The following SLC25A13 variants were observed in gnomAD, a reference collection of about 807,000 sequenced individuals.
SLC25A13 encodes solute carrier family 25 member 13.
A neutral mutation model predicts 85.5 loss-of-function variants in SLC25A13; 70 were observed. The ratio of observed to expected loss-of-function variants is 0.82; its 90% CI spans 0.68 to 1.00. SLC25A13 has a LOEUF of 1.00. Among genes scored for constraint, SLC25A13 ranks in the 50% least tolerant of loss-of-function variants. The pLI is 0.00. For missense variants in SLC25A13, 765 were observed against 819.8 expected, an observed-to-expected ratio of 0.93 and a Z score of 0.82; for synonymous variants, 259 against 288.7, an observed-to-expected ratio of 0.90 and a Z score of 1.04.
chr7:96,265,870 T>G (rs1242353495), intron 3 of SLC25A13, among the ~76,000 whole-genome samples: 1 of 152,146 alleles, frequency 6.6e-6, no homozygotes, highest in Non-Finnish European at 1.5e-5. Flanking sequence ...TGGTAAAAGC[T>G]TTCTCCTTCA....
At chr7:96,236,030 T>C (rs970910371) in intron 3 of SLC25A13, among the ~76,000 whole-genome samples, 1 of 152,234 alleles carries the variant, frequency 6.6e-6, no homozygotes, top group African/African-American at 2.4e-5. Flanking sequence ...ATGGTTTTCA[T>C]ATATTTTACA....
intron 3 of SLC25A13, among the ~76,000 whole-genome samples, chr7:96,275,651 C>T (rs1303996546): frequency 1.3e-5 from 2 of 152,050 alleles, no homozygotes; most frequent in African/African-American, 4.8e-5. Flanking sequence ...AAACCAAACA[C>T]TGCATGTTCT....
At chr7:96,305,180 T>C (rs1325798929) in intron 1 of SLC25A13, among the ~76,000 whole-genome samples, 1 of 152,178 alleles carries the variant, frequency 6.6e-6, no homozygotes, top group Non-Finnish European at 1.5e-5. Context: ...CTTAAATGAA[T>C]ACCAGTAGAT....
chr7:96,121,931 C>G lies in SLC25A13; in HGVS notation c.1658G>C (p.Arg553Pro), dbSNP rs201283753. 1.1e-5 allele frequency: 18 copies of G among 1,613,998 alleles called. No individual in the cohort carries two copies. The highest frequency in any genetic ancestry group is 1.5e-5 in the Non-Finnish European group (18 of 1,180,034). ...TCCGCTGTAAGTGGTTTGGCCAGCC[C>G]GGGCAGCCACCTGTAATCTCGTCTT... ...VIKTRLQVAA[R>P]AGQTTYSGVI... Residue 553 changes from arginine to proline, a missense_variant, in exon 16 of 18, where the codon CGG (arginine) becomes CCG (proline). Physicochemically the swap from Arg to Pro is moderately radical, Grantham distance 103. Transcript: ENST00000265631.
At chr7:96,143,096 G>C (rs2116470468) in intron 14 of SLC25A13, among the ~76,000 whole-genome samples, 1 of 152,272 alleles carries the variant, frequency 6.6e-6, no homozygotes, top group South Asian at 2.1e-4. Flanking sequence ...GTGCTTGATG[G>C]ATCCCAGCTG....
chr7:96,228,784 G>A lies in SLC25A13; in HGVS notation c.328+6018C>T, dbSNP rs147414094. Among the ~76,000 whole-genome samples the A allele has an allele frequency of 3.5e-3, 530 of 152,250 alleles. 2 individuals are homozygous for A. Among genetic ancestry groups the A allele is most frequent in the African/African-American group, 0.012 (496 of 41,556 alleles). ...TGAGTTCTGGGTGGGCGTGGGCTCC[G>A]CGGGCCCTGCACTCGGAGTGGATGG... On this transcript the variant is annotated intron_variant, in intron 4 of 17. Transcript: ENST00000265631.
intron 5 of SLC25A13, among the ~76,000 whole-genome samples, chr7:96,194,666 A>C (rs1290075921): frequency 6.6e-6 from 1 of 152,104 alleles, no homozygotes; most frequent in African/African-American, 2.4e-5. Flanking sequence ...TACTGCTTTA[A>C]AGTACTCGAT....
At chr7:96,167,111 T>C (rs1361534174) in intron 13 of SLC25A13, 2 of 152,214 alleles carry the variant, frequency 1.3e-5, no homozygotes, top group Admixed American at 1.3e-4. Context: ...ATCACTACTG[T>C]TAAAGTGTGA....
intron 3 of SLC25A13, among the ~76,000 whole-genome samples, chr7:96,268,061 C>G (rs950915468): frequency 6.6e-6 from 1 of 152,134 alleles, no homozygotes. Flanking sequence ...CCCTGAGCCA[C>G]CCGGTGCCCA....
intron 4 of SLC25A13, among the ~76,000 whole-genome samples, chr7:96,220,509 C>T (rs1796079190): frequency 6.6e-6 from 1 of 152,166 alleles, no homozygotes; most frequent in Non-Finnish European, 1.5e-5. Flanking sequence ...TGCCTTGCAA[C>T]TGTTGGAAGA....
chr7:96,279,771 G>GT (rs1194070052), intron 2 of SLC25A13, among the ~76,000 whole-genome samples: 1 of 152,138 alleles, frequency 6.6e-6, no homozygotes, highest in Non-Finnish European at 1.5e-5. Flanking sequence ...TTACCTTTAA[G>GT]TTTTAGTACA....
chr7:96,174,898 T>C (rs941923220), intron 11 of SLC25A13, among the ~76,000 whole-genome samples: 1 of 152,220 alleles, frequency 6.6e-6, no homozygotes, highest in Non-Finnish European at 1.5e-5. Context: ...TAGCTATTTG[T>C]TCAGCAAACA....
In SLC25A13 at chr7:96,203,535, G is replaced by A. The variant is rs143500824; in HGVS notation, c.468+5303C>T. The stretch of plus-strand genomic sequence containing the variant: ...TAGGGAAACAACACCAACAACCTAA[G>A]GTGACTGTAAGGACAAATATTAATA... On this transcript the variant is annotated intron_variant, in intron 5 of 17. Transcript: ENST00000265631. 7.2e-5 allele frequency among the ~76,000 whole-genome samples: 11 copies of A among 152,226 alleles called. No homozygotes were observed. The East Asian group carries it at 2.1e-3, about 29-fold the overall frequency.
chr7:96,158,407 A>G (rs1793371852), intron 13 of SLC25A13, among the ~76,000 whole-genome samples: 1 of 152,220 alleles, frequency 6.6e-6, no homozygotes. Context: ...AATTTCAACT[A>G]TATTTTAAAC....
intron 3 of SLC25A13, among the ~76,000 whole-genome samples, chr7:96,251,678 A>G (rs1363922432): frequency 2.0e-5 from 3 of 152,234 alleles, no homozygotes; most frequent in Non-Finnish European, 4.4e-5. Context: ...TTGCATTGAT[A>G]TGGAGTGAAC....
At chr7:96,146,443 T>A (rs904121824) in intron 14 of SLC25A13, 113 bp downstream of exon 14, 1 of 1,397,412 alleles carries the variant, frequency 7.2e-7, no homozygotes, top group Admixed American at 2.0e-5. Context: ...GGGTAGAACA[T>A]CTTCTCCAGG....
Position 96,121,840 on chromosome 7 carries a change from A to G in SLC25A13, c.1749T>C (p.Gly583=), listed in dbSNP as rs774955681. ...EGPKALWKGA[G]ARVFRSSPQF... is the part of the protein sequence containing the mutation. ...GTTAAGAACACATTATTTCCATACC[A>G]CCAGCTCCCTTCCACAGAGCTTTTG... The change falls in exon 16 of 18, where the codon GGT becomes GGC. Residue 583 remains glycine (G), a splice_region_variant and synonymous_variant. Coordinates refer to ENST00000265631, the MANE Select transcript of SLC25A13 (RefSeq NM_014251.3). 6.2e-7 allele frequency: 1 copy of G among 1,614,216 alleles called. No homozygotes were observed. Among genetic ancestry groups the G allele is most frequent in the East Asian group, 2.2e-5 (1 of 44,892 alleles).
At chr7:96,239,855 C>A (rs1254903743) in intron 3 of SLC25A13, among the ~76,000 whole-genome samples, 1 of 152,124 alleles carries the variant, frequency 6.6e-6, no homozygotes, top group East Asian at 1.9e-4. Context: ...ATAACAGTAG[C>A]GACTTTGTAA....
intron 3 of SLC25A13, among the ~76,000 whole-genome samples, chr7:96,247,608 A>G (rs1797249012): frequency 6.6e-6 from 1 of 152,214 alleles, no homozygotes; most frequent in Admixed American, 6.6e-5. Context: ...AAATTCGGCA[A>G]CAAAATGAAC....
Sources: allele counts gnomAD v4.1 joint callset (sites outside exome capture counted in the v4.1 genomes callset), GRCh38; gene constraint gnomAD v4.1.1; transcripts MANE v1.5; gene names NCBI Gene and HGNC (gene_info 2026-07-23, HGNC 2026-07-21).